CHN2: variants seen among roughly 807,000 people sequenced by gnomAD.
The protein encoded by CHN2 is beta-chimaerin.
A neutral mutation model predicts 56.3 loss-of-function variants in CHN2; 35 were observed. The ratio of observed to expected loss-of-function variants is 0.62; its 90% CI spans 0.47 to 0.82. CHN2 has a LOEUF of 0.82. Ranked by LOEUF, CHN2 falls within the 40% of genes least tolerant of loss-of-function variation. The pLI, the probability that CHN2 is intolerant of heterozygous loss-of-function variation, is 0.00. For missense variants in CHN2, 491 were observed against 580.5 expected (o/e 0.85, Z 1.58); for synonymous variants, 210 against 212.8 (o/e 0.99, Z 0.12).
chr7:29,365,117 G>A (rs1452113398), intron 2 of CHN2, among the ~76,000 whole-genome samples: 3 of 152,156 alleles, frequency 2.0e-5, no homozygotes, highest in Non-Finnish European at 4.4e-5. Context: ...ATCGGAAGAC[G>A]TACCATAGTT....
intron 1 of CHN2, among the ~76,000 whole-genome samples, chr7:29,239,146 T>G (rs1345290044): frequency 6.6e-6 from 1 of 152,086 alleles, no homozygotes; most frequent in African/African-American, 2.4e-5. Flanking sequence ...TCCAATAATC[T>G]CAAAGGGAGA....
chr7:29,383,462 T>G (rs1479482597), intron 3 of CHN2, among the ~76,000 whole-genome samples: 1 of 152,168 alleles, frequency 6.6e-6, no homozygotes, highest in Non-Finnish European at 1.5e-5. Flanking sequence ...AGGATAGTAC[T>G]GACACACACT....
chr7:29,154,694 G>T (rs1356838678), intron 2 of CHN2, among the ~76,000 whole-genome samples: 1 of 152,096 alleles, frequency 6.6e-6, no homozygotes, highest in Non-Finnish European at 1.5e-5. Context: ...AATTAGCCAG[G>T]TGTGGTGGCA....
chr7:29,323,350 C>G (rs1176238276), intron 1 of CHN2, among the ~76,000 whole-genome samples: 1 of 152,054 alleles, frequency 6.6e-6, no homozygotes, highest in Non-Finnish European at 1.5e-5. Context: ...TTTGAATCCT[C>G]TCCTCCAGAC....
intron 1 of CHN2, among the ~76,000 whole-genome samples, chr7:29,269,260 C>T (rs116581553): frequency 0.01 from 1,542 of 152,300 alleles, 28 homozygotes; most frequent in African/African-American, 0.036. Context: ...TCCATGAGTT[C>T]AACTTTTTTT....
intron 1 of CHN2, among the ~76,000 whole-genome samples, chr7:29,284,441 T>G (rs946367941): frequency 1.3e-5 from 2 of 152,186 alleles, no homozygotes; most frequent in African/African-American, 2.4e-5. Context: ...TAAAGAAAGA[T>G]AATTGAAGCT....
At chr7:29,445,620 T>G (rs935913561) in intron 6 of CHN2, among the ~76,000 whole-genome samples, 1 of 152,196 alleles carries the variant, frequency 6.6e-6, no homozygotes, top group Admixed American at 6.5e-5. Context: ...TTTAGATGTT[T>G]AACCCATTAT....
chr7:29,447,702 G>C (rs754297653), intron 6 of CHN2, among the ~76,000 whole-genome samples: 4 of 152,128 alleles, frequency 2.6e-5, no homozygotes, highest in African/African-American at 4.8e-5. Flanking sequence ...TTTGGTGAGA[G>C]GGATATGTTA....
chr7:29,382,317 C>T (rs1427027795), intron 3 of CHN2, among the ~76,000 whole-genome samples: 9 of 152,136 alleles, frequency 5.9e-5, no homozygotes, highest in Admixed American at 2.0e-4. Flanking sequence ...TGAGGGACTT[C>T]GATTAGCAGA....
chr7:29,509,255 G>A (rs79326484), intron 11 of CHN2, 46 bp from the exon 12 acceptor site: 183 of 1,431,952 alleles, frequency 1.3e-4, no homozygotes, highest in Non-Finnish European at 1.7e-4. Context: ...CTGAAAACTT[G>A]AATGCCACAC....
intron 2 of CHN2, among the ~76,000 whole-genome samples, chr7:29,160,599 A>G (rs555869926): frequency 3.9e-5 from 6 of 152,296 alleles, no homozygotes; most frequent in Non-Finnish European, 8.8e-5. Flanking sequence ...GTCAGAAGGT[A>G]GGGGAAGTAC....
At chr7:29,148,670 A>G (rs968525177) in intron 2 of CHN2, 2 of 152,198 alleles carry the variant, frequency 1.3e-5, no homozygotes, top group African/African-American at 2.4e-5. Context: ...TTTTTGGGGT[A>G]CCCTGTATTC....
At chr7:29,303,193 C>T (rs528938295) in intron 1 of CHN2, among the ~76,000 whole-genome samples, 1 of 152,216 alleles carries the variant, frequency 6.6e-6, no homozygotes, top group African/African-American at 2.4e-5. Context: ...CACAGCAAGA[C>T]AGCTTAAAGT....
intron 1 of CHN2, among the ~76,000 whole-genome samples, chr7:29,209,964 A>C (rs557469547): frequency 6.6e-6 from 1 of 152,254 alleles, no homozygotes; most frequent in East Asian, 1.9e-4. Context: ...ACGTGACCTA[A>C]GTCTATGGTA....
intron 1 of CHN2, among the ~76,000 whole-genome samples, chr7:29,331,819 T>C (rs908675335): frequency 5.3e-5 from 8 of 152,046 alleles, no homozygotes; most frequent in African/African-American, 9.7e-5. Flanking sequence ...CCCAGCACTT[T>C]GGGAGGCCGA....
At chr7:29,330,959 G>C (rs546758045) in intron 1 of CHN2, among the ~76,000 whole-genome samples, 1 of 152,260 alleles carries the variant, frequency 6.6e-6, no homozygotes, top group East Asian at 1.9e-4. Context: ...CATCGCAGTG[G>C]GGAGTGAATT....
chr7:29,485,334 A>G (rs1006426833), intron 7 of CHN2, among the ~76,000 whole-genome samples: 13 of 152,210 alleles, frequency 8.5e-5, no homozygotes, highest in Non-Finnish European at 1.9e-4. Flanking sequence ...TTTCAAAACT[A>G]TGACAGCAGC....
rs768283321 is a variant in CHN2 at position 29,512,933 on chromosome 7, A to G, written c.*198A>G. On this transcript the variant is annotated 3_prime_UTR_variant, in exon 13 of 13. Coordinates refer to ENST00000222792, the MANE Select transcript of CHN2 (RefSeq NM_004067.4). Reference sequence around the variant, plus strand: ...GTGAGAACAAGGGTGAAGGTGAGGGAAGCCCCTCACCTTGGGTCTTTTGCT... The same window carrying G: ...GTGAGAACAAGGGTGAAGGTGAGGGGAGCCCCTCACCTTGGGTCTTTTGCT... 6.7e-5 allele frequency: 34 copies of G among 509,480 alleles called. No homozygotes were observed. The highest frequency in any genetic ancestry group is 1.5e-4 in the Admixed American group (4 of 26,922). The allele number at this position is 509,480 out of a possible 1,614,324, so 31.6% of individuals were successfully genotyped here.
At chr7:29,475,621 TC>T (rs556365863) in intron 6 of CHN2, among the ~76,000 whole-genome samples, 206 of 152,328 alleles carry the variant, frequency 1.4e-3, no homozygotes, top group African/African-American at 4.8e-3. Flanking sequence ...AGTCTAAATG[TC>T]CATCAACTGA....
Sources: gnomAD v4.1 joint callset for allele counts (sites outside exome capture counted in the v4.1 genomes callset) on GRCh38, gnomAD v4.1.1 for gene constraint, MANE v1.5 for transcripts, NCBI Gene and HGNC (gene_info 2026-07-23, HGNC 2026-07-21) for gene names.